DCUN1D2: variants seen among roughly 807,000 people sequenced by gnomAD.
DCUN1D2 encodes the protein DCN1-like protein 2.
Under a neutral mutation model 30.9 loss-of-function variants are expected in DCUN1D2, and 29 were observed. The ratio of observed to expected loss-of-function variants is 0.94; its 90% confidence interval spans 0.70 to 1.28. DCUN1D2 has a LOEUF of 1.28. DCUN1D2 is among the 50% of genes most tolerant of loss of function. The pLI is 0.00. For missense variants in DCUN1D2, 325 were observed against 316.9 expected (o/e 1.03, Z -0.19); for synonymous variants, 121 against 115.3 (o/e 1.05, Z -0.32).
At chr13:113,480,306 T>C (rs187106174) in intron 3 of DCUN1D2, among the ~76,000 whole-genome samples, 1 of 151,590 alleles carries the variant, frequency 6.6e-6, no homozygotes, top group East Asian at 1.9e-4. Flanking sequence ...AATTCAAAAT[T>C]GGAAAGGAAA....
At position 113,490,238 on chromosome 13, in the gene DCUN1D2, G is replaced by A. The variant is rs1047053727; in HGVS notation, c.3+429C>T. Among the ~76,000 whole-genome samples, 2 of 152,134 alleles carry A rather than the reference G, an allele frequency of 1.3e-5. No individual in the cohort carries two copies. Among genetic ancestry groups the A allele is most frequent in the Non-Finnish European group, 2.9e-5 (2 of 68,012 alleles). ...TCCCCCGCGAATCTGAGCTTCTCGC[G>A]GATTCCTTCCTTGCGCTGTTTTGGT... On this transcript the variant is annotated intron_variant, in intron 1 of 6. Coordinates refer to ENST00000478244, the MANE Select transcript of DCUN1D2 (RefSeq NM_001014283.2). This position sits in a 1 kb window ranked among gnomAD's most constrained non-coding sequence, Gnocchi z 5.2.
chr13:113,456,294 G>A lies in DCUN1D2; in HGVS notation c.*1735C>T, dbSNP rs564071309. The A allele has an allele frequency of 6.5e-5, 26 of 398,772 alleles. No homozygotes were observed. The highest frequency in any genetic ancestry group is 4.1e-4 in the African/African-American group (20 of 48,768). The allele number at this position is 398,772 out of a possible 1,614,324, so 24.7% of individuals were successfully genotyped here. A position where few individuals can be genotyped will look rare whatever the true frequency, so the allele number is the denominator to read the frequency against. ...GCCAGGCGGGGTCTGCAGGCTGCAG[G>A]TCCCTTCCAGTCCTGTCCCTGCTGC... On this transcript the variant is annotated 3_prime_UTR_variant, in exon 7 of 7. Coordinates refer to ENST00000478244, the MANE Select transcript of DCUN1D2 (RefSeq NM_001014283.2).
At chr13:113,462,030 A>G (rs900244415) in intron 4 of DCUN1D2, among the ~76,000 whole-genome samples, 1 of 152,110 alleles carries the variant, frequency 6.6e-6, no homozygotes, top group African/African-American at 2.4e-5. Flanking sequence ...AGGCGGGTGG[A>G]TCACCTGAGG....
intron 4 of DCUN1D2, among the ~76,000 whole-genome samples, chr13:113,466,376 A>G (rs1192265239): frequency 2.6e-5 from 4 of 152,260 alleles, no homozygotes; most frequent in South Asian, 2.1e-4. Flanking sequence ...TCATTTGTTA[A>G]AAGTAGACAG....
rs543389642 is a variant in DCUN1D2 at position 113,476,668 on chromosome 13, G to A, written c.390-2414C>T. The stretch of plus-strand genomic sequence containing the variant: ...TATTTTTACTATAATACACTCTATC[G>A]GCATTTTTCTTTATGGTGATTTATT... On this transcript the variant is annotated intron_variant, in intron 3 of 6. Transcript: ENST00000478244. Among the ~76,000 whole-genome samples the A allele has an allele frequency of 1.9e-4, 29 of 151,980 alleles. No homozygotes were observed. In the East Asian group the frequency reaches 3.5e-3, roughly 18 times the overall value.
chr13:113,465,475 C>T (rs1469282269), intron 4 of DCUN1D2, among the ~76,000 whole-genome samples: 1 of 151,158 alleles, frequency 6.6e-6, no homozygotes, highest in Non-Finnish European at 1.5e-5. Context: ...CCAGAGAAAA[C>T]TGGGGTGAGG....
chr13:113,474,236 C>T lies in DCUN1D2; in HGVS notation c.408G>A (p.Lys136=), dbSNP rs762761315. Residue 136 remains lysine, a synonymous_variant, in exon 4 of 7, where the codon AAG becomes AAA. Coordinates refer to ENST00000478244, the MANE Select transcript of DCUN1D2 (RefSeq NM_001014283.2). ...MTELGCDSME[K]LKALLPRLEQ... is the part of the protein sequence containing the mutation. ...CCAGTCTTGGCAGAAGAGCCTTTAG[C>T]TTCTCCATGCTGTCACACCTGCGAT... The T allele has an allele frequency of 6.2e-7, 1 of 1,613,998 alleles. No homozygotes were observed. The highest frequency in any genetic ancestry group is 8.5e-7 in the Non-Finnish European group (1 of 1,179,896).
At chr13:113,463,165 A>C (rs2044345922) in intron 4 of DCUN1D2, 1 of 161,474 alleles carries the variant, frequency 6.2e-6, no homozygotes. Flanking sequence ...AAACAAGACC[A>C]ACAGCTACTC....
intron 2 of DCUN1D2, 64 bp downstream of exon 2, chr13:113,483,776 G>A: frequency 6.6e-7 from 1 of 1,511,978 alleles, no homozygotes; most frequent in East Asian, 2.3e-5. Flanking sequence ...AACCCTGGAA[G>A]TGCAGCGCGC....
intron 1 of DCUN1D2, 63 bp from the exon 2 acceptor site, chr13:113,484,119 C>A: frequency 2.5e-6 from 4 of 1,599,786 alleles, no homozygotes; most frequent in Non-Finnish European, 3.4e-6. Context: ...CCAGCTTTAG[C>A]CTAACGCCTG....
chr13:113,460,106 G>C (rs76843645), intron 5 of DCUN1D2, among the ~76,000 whole-genome samples: 2 of 152,200 alleles, frequency 1.3e-5, no homozygotes, highest in Admixed American at 6.5e-5. Context: ...TGGATATTTC[G>C]AGAGAAGTAA....
In DCUN1D2 at chr13:113,457,190, AATCT is replaced by A. The variant is rs1310708436; in HGVS notation, c.*835_*838del. 1.3e-5 allele frequency: 2 copies of A among 152,142 alleles called. No individual in the cohort carries two copies. The highest frequency in any genetic ancestry group is 2.4e-5 in the African/African-American group (1 of 41,432). 9.4% of individuals were successfully genotyped at this position (152,142 alleles called of 1,614,324 possible). A position where few individuals can be genotyped will look rare whatever the true frequency, so the allele number is the denominator to read the frequency against. Reference sequence around the variant, plus strand: ...CCACCACGCCCGGCCTTGATTTTAAAATCTATAATTCATCACTCATAAAATAAAT... The same window carrying A: ...CCACCACGCCCGGCCTTGATTTTAAAATAATTCATCACTCATAAAATAAAT... On this transcript the variant is annotated 3_prime_UTR_variant, in exon 7 of 7. Transcript: ENST00000478244.
chr13:113,457,856 G>A lies in DCUN1D2; in HGVS notation c.*173C>T, dbSNP rs1566489477. 3.1e-6 allele frequency: 2 copies of A among 650,484 alleles called. No individual in the cohort carries two copies. Among genetic ancestry groups the A allele is most frequent in the Admixed American group, 2.3e-5 (1 of 42,580 alleles). The allele number at this position is 650,484 out of a possible 1,614,324, so 40.3% of individuals were successfully genotyped here. On this transcript the variant is annotated 3_prime_UTR_variant, in exon 7 of 7. Coordinates refer to ENST00000478244, the MANE Select transcript of DCUN1D2 (RefSeq NM_001014283.2). ...AGCCGTGTCCCGAGGAACTTCCTGC[G>A]GTGTCCACAAAGCAGCCGCTGGCTG... is the stretch of plus-strand genomic sequence containing the variant.
intron 4 of DCUN1D2, among the ~76,000 whole-genome samples, chr13:113,462,494 A>C (rs1292845937): frequency 6.6e-6 from 1 of 152,206 alleles, no homozygotes; most frequent in Admixed American, 6.5e-5. Context: ...AATCCCACTT[A>C]AACAGAAGTT....
At chr13:113,458,524 C>T (rs1442922535) in intron 6 of DCUN1D2, among the ~76,000 whole-genome samples, 2 of 152,266 alleles carry the variant, frequency 1.3e-5, no homozygotes, top group Non-Finnish European at 2.9e-5. Flanking sequence ...CCCTTCCCCA[C>T]CCCGGCAGCC....
chr13:113,479,325 G>C (rs2259620), intron 3 of DCUN1D2, among the ~76,000 whole-genome samples: 5 of 151,828 alleles, frequency 3.3e-5, no homozygotes, highest in Non-Finnish European at 7.4e-5. Flanking sequence ...ACATAAAAAC[G>C]TAAGTGTGAC....
intron 2 of DCUN1D2, 34 bp downstream of exon 2, chr13:113,483,790 CCGCTCGCGGAGGCCGA>C: frequency 6.3e-7 from 1 of 1,576,194 alleles, no homozygotes; most frequent in African/African-American, 1.3e-5. Context: ...AGCGCGCAGG[CCGCTCGCGGAGGCCGA>C]CATCCGTCCG....
chr13:113,471,587 C>T (rs1275456882), intron 4 of DCUN1D2, among the ~76,000 whole-genome samples: 1 of 152,168 alleles, frequency 6.6e-6, no homozygotes, highest in Non-Finnish European at 1.5e-5. Flanking sequence ...CCACAACACC[C>T]AGACACATTT....
At chr13:113,487,936 A>T (rs1377960389) in intron 1 of DCUN1D2, among the ~76,000 whole-genome samples, 1 of 152,210 alleles carries the variant, frequency 6.6e-6, no homozygotes, top group African/African-American at 2.4e-5. Context: ...CGGCGACTGA[A>T]TTATTTAACC....
Sources: gnomAD v4.1 joint callset for allele counts (sites outside exome capture counted in the v4.1 genomes callset) on GRCh38, gnomAD v4.1.1 for gene constraint, Gnocchi (gnomAD v3.1) non-coding constraint, MANE v1.5 for transcripts, NCBI Gene and HGNC (gene_info 2026-07-23, HGNC 2026-07-21) for gene names.